MARCHF1: variants seen among roughly 807,000 people sequenced by gnomAD.
MARCHF1 encodes the protein membrane associated ring-CH-type finger 1.
Under a neutral mutation model 54.2 loss-of-function variants are expected in MARCHF1, and 40 were observed. The observed-to-expected ratio is 0.74, with a 90% CI of 0.57 to 0.96. MARCHF1 has a LOEUF of 0.96. Among genes scored for constraint, MARCHF1 ranks in the 40% least tolerant of loss-of-function variants. MARCHF1 has a pLI of 0.00. For missense variants in MARCHF1, 586 were observed against 656.5 expected (o/e 0.89, Z 1.17); for synonymous variants, 236 against 236.3 (o/e 1.00, Z 0.01).
At chr4:163,938,307 C>T (rs185269197) in intron 3 of MARCHF1, among the ~76,000 whole-genome samples, 53 of 152,312 alleles carry the variant, frequency 3.5e-4, no homozygotes, top group Admixed American at 2.9e-3. Context: ...AATACAATCT[C>T]GATCCAATGA....
intron 5 of MARCHF1, among the ~76,000 whole-genome samples, chr4:163,687,730 T>A (rs1744312815): frequency 6.6e-6 from 1 of 152,218 alleles, no homozygotes; most frequent in African/African-American, 2.4e-5. Flanking sequence ...GGAAGAAGGA[T>A]GCCTTCTTAT....
chr4:163,976,068 CTGTT>C (rs576285928), intron 3 of MARCHF1, among the ~76,000 whole-genome samples: 88 of 152,092 alleles, frequency 5.8e-4, no homozygotes, highest in Non-Finnish European at 1.0e-3. Context: ...TGTCAGAAAA[CTGTT>C]TGGGGGAAAT....
At chr4:163,670,416 A>C (rs924902326) in intron 5 of MARCHF1, among the ~76,000 whole-genome samples, 1 of 151,894 alleles carries the variant, frequency 6.6e-6, no homozygotes, top group African/African-American at 2.4e-5. Context: ...CTATCTATCT[A>C]TCTATGGAAA....
chr4:164,014,734 A>T lies in MARCHF1; in HGVS notation c.-247-26025T>A, dbSNP rs1422399060. 2.6e-5 allele frequency among the ~76,000 whole-genome samples: 4 copies of T among 152,216 alleles called. No individual in the cohort carries two copies. The East Asian group carries it at 7.7e-4, about 29-fold the overall frequency. ...GGACATGTAAACTAAAAAGAGCAGG[A>T]GTAGCTATAATTACATCAGACAAAA... is the stretch of plus-strand genomic sequence containing the variant. On this transcript the variant is annotated intron_variant, in intron 2 of 9. Transcript: ENST00000514618.
At chr4:163,938,085 A>G (rs1440998435) in intron 3 of MARCHF1, among the ~76,000 whole-genome samples, 1 of 152,130 alleles carries the variant, frequency 6.6e-6, no homozygotes, top group African/African-American at 2.4e-5. Flanking sequence ...CCATTCCACC[A>G]TCCTCTCAGG....
At chr4:164,134,076 T>C (rs770567506) in intron 1 of MARCHF1, among the ~76,000 whole-genome samples, 21 of 152,248 alleles carry the variant, frequency 1.4e-4, no homozygotes, top group Non-Finnish European at 2.9e-4. Flanking sequence ...AATAATTAGT[T>C]ACAACTTTTG....
chr4:164,091,826 T>C (rs1459172104), intron 2 of MARCHF1, among the ~76,000 whole-genome samples: 1 of 151,514 alleles, frequency 6.6e-6, no homozygotes, highest in East Asian at 1.9e-4. Flanking sequence ...AGAAGAGTAA[T>C]AATGTGCTAG....
chr4:164,187,228 G>T (rs989118743), intron 1 of MARCHF1, among the ~76,000 whole-genome samples: 1 of 150,100 alleles, frequency 6.7e-6, no homozygotes, highest in Non-Finnish European at 1.5e-5. Flanking sequence ...GGGACAGGGA[G>T]TAGATTTGCT....
intron 1 of MARCHF1, among the ~76,000 whole-genome samples, chr4:164,251,039 CAT>C (rs112289528): frequency 5.1e-4 from 77 of 152,184 alleles, no homozygotes; most frequent in African/African-American, 1.8e-3. Context: ...GATCAAGAAA[CAT>C]ATTTCTATGA....
At position 163,811,143 on chromosome 4, in the gene MARCHF1, G is replaced by C. The variant is rs184457342; in HGVS notation, c.111+42878C>G. 3.1e-3 allele frequency among the ~76,000 whole-genome samples: 479 copies of C among 152,066 alleles called. 4 individuals carry two copies. Among genetic ancestry groups the C allele is most frequent in the Non-Finnish European group, 3.8e-3 (257 of 67,976 alleles). ...TCATATCTGGAGCTGCTTCTTTCTT[G>C]ACTTTTTAAAACCCTCAGGATGTCT... is the stretch of plus-strand genomic sequence containing the variant. On this transcript the variant is annotated intron_variant, in intron 4 of 9. Coordinates refer to ENST00000514618, the MANE Select transcript of MARCHF1 (RefSeq NM_001394959.1).
chr4:163,828,684 G>A (rs1748924952), intron 4 of MARCHF1: 1 of 152,070 alleles, frequency 6.6e-6, no homozygotes, highest in South Asian at 2.1e-4. Context: ...AAAAATTGTT[G>A]GTTGGCAAAA....
chr4:163,883,085 G>A (rs971881019), intron 3 of MARCHF1, among the ~76,000 whole-genome samples: 3 of 152,126 alleles, frequency 2.0e-5, no homozygotes, highest in Non-Finnish European at 2.9e-5. Flanking sequence ...TGGCACTTGT[G>A]TCTCATACTG....
At chr4:164,325,480 C>T (rs1229353134) in intron 1 of MARCHF1, among the ~76,000 whole-genome samples, 1 of 151,914 alleles carries the variant, frequency 6.6e-6, no homozygotes, top group African/African-American at 2.4e-5. Context: ...GGAACCCTTT[C>T]TTACGTCATA....
At chr4:164,360,377 C>T (rs982512107) in intron 1 of MARCHF1, among the ~76,000 whole-genome samples, 1 of 152,044 alleles carries the variant, frequency 6.6e-6, no homozygotes, top group East Asian at 1.9e-4. Flanking sequence ...GGAATTCCTG[C>T]TATTTGTAGA....
chr4:163,782,492 G>A (rs563669869), intron 4 of MARCHF1, among the ~76,000 whole-genome samples: 1 of 151,984 alleles, frequency 6.6e-6, no homozygotes, highest in African/African-American at 2.4e-5. Context: ...CCAATATAGT[G>A]AAACCCCGTC....
At chr4:163,793,808 C>A (rs865862734) in intron 4 of MARCHF1, among the ~76,000 whole-genome samples, 6 of 152,110 alleles carry the variant, frequency 3.9e-5, no homozygotes, top group Non-Finnish European at 8.8e-5. Flanking sequence ...TCACGTACCC[C>A]CTGCTTGCTC....
At chr4:163,609,244 C>A (rs932180302) in intron 7 of MARCHF1, among the ~76,000 whole-genome samples, 3 of 151,984 alleles carry the variant, frequency 2.0e-5, no homozygotes, top group African/African-American at 7.2e-5. Context: ...GTCATTGTAA[C>A]CACAAATAGC....
intron 5 of MARCHF1, among the ~76,000 whole-genome samples, chr4:163,643,776 G>A (rs1244713593): frequency 6.6e-6 from 1 of 152,038 alleles, no homozygotes; most frequent in Non-Finnish European, 1.5e-5. Flanking sequence ...TTTATTTGAG[G>A]AGGAAAGATA....
At chr4:164,115,281 C>A (rs1473083336) in intron 1 of MARCHF1, among the ~76,000 whole-genome samples, 1 of 151,980 alleles carries the variant, frequency 6.6e-6, no homozygotes, top group East Asian at 1.9e-4. Flanking sequence ...ATAAACTGGA[C>A]AGCAATCACA....
Sources: gnomAD v4.1 joint callset for allele counts (sites outside exome capture counted in the v4.1 genomes callset) on GRCh38, gnomAD v4.1.1 for gene constraint, MANE v1.5 for transcripts, NCBI Gene and HGNC (gene_info 2026-07-23, HGNC 2026-07-21) for gene names.